Variants in KIF26B observed in about 807,000 individuals in gnomAD.
The protein encoded by KIF26B is kinesin-like protein KIF26B.
Under a neutral mutation model 151.2 loss-of-function variants are expected in KIF26B, and 63 were observed. The ratio of observed to expected loss-of-function variants is 0.42; its 90% CI spans 0.34 to 0.51. KIF26B has a LOEUF of 0.51. Among genes scored for constraint, KIF26B ranks in the 20% least tolerant of loss-of-function variants. The probability of loss-of-function intolerance (pLI) is 0.07; values close to 1 mark genes in which losing one functional copy is unlikely to be tolerated. For synonymous variants in KIF26B, 1,357 were observed against 1,262.1 expected (o/e 1.08, Z -1.59); for missense variants, 2,813 against 2,913.6 (o/e 0.97, Z 0.79).
chr1:245,501,722 T>A (rs1201687640), intron 4 of KIF26B, among the ~76,000 whole-genome samples: 1 of 152,260 alleles, frequency 6.6e-6, no homozygotes, highest in East Asian at 1.9e-4. Context: ...TTGCTAAGAC[T>A]AGCCACATAT....
At chr1:245,533,300 T>A (rs903448978) in intron 4 of KIF26B, among the ~76,000 whole-genome samples, 1 of 152,184 alleles carries the variant, frequency 6.6e-6, no homozygotes, top group Non-Finnish European at 1.5e-5. Flanking sequence ...ACCCCTGTCC[T>A]GGGTCGGGAC....
intron 2 of KIF26B, among the ~76,000 whole-genome samples, chr1:245,243,491 C>T (rs1670250704): frequency 6.6e-6 from 1 of 151,326 alleles, no homozygotes; most frequent in Admixed American, 6.6e-5. Flanking sequence ...TACACACATA[C>T]ATAAAAGGAT....
intron 5 of KIF26B, among the ~76,000 whole-genome samples, chr1:245,561,125 T>C (rs1253406222): frequency 1.3e-5 from 2 of 152,182 alleles, no homozygotes; most frequent in Non-Finnish European, 2.9e-5. Context: ...GGGTGGCTGT[T>C]TATCACGAGG....
intron 3 of KIF26B, among the ~76,000 whole-genome samples, chr1:245,418,100 A>G (rs1344604703): frequency 6.6e-6 from 1 of 152,214 alleles, no homozygotes; most frequent in Non-Finnish European, 1.5e-5. Flanking sequence ...GACGGTGTGC[A>G]TCGCCACATC....
At chr1:245,250,107 G>A (rs1032642396) in intron 2 of KIF26B, among the ~76,000 whole-genome samples, 1 of 152,124 alleles carries the variant, frequency 6.6e-6, no homozygotes, top group East Asian at 1.9e-4. Context: ...CTTCAGATGT[G>A]TTTTTTAATA....
chr1:245,312,433 A>T (rs1321740127), intron 2 of KIF26B, among the ~76,000 whole-genome samples: 1 of 152,180 alleles, frequency 6.6e-6, no homozygotes, highest in Non-Finnish European at 1.5e-5. Flanking sequence ...TAAATACAGG[A>T]GTCGTTTGCC....
intron 4 of KIF26B, among the ~76,000 whole-genome samples, chr1:245,533,466 C>A (rs149415771): frequency 5.6e-4 from 85 of 152,248 alleles, no homozygotes; most frequent in Middle Eastern, 3.4e-3. Flanking sequence ...CACACTTGAG[C>A]ACCCCTCAGA....
intron 9 of KIF26B, among the ~76,000 whole-genome samples, chr1:245,642,056 A>G (rs2043897468): frequency 6.6e-6 from 1 of 152,200 alleles, no homozygotes; most frequent in South Asian, 2.1e-4. Flanking sequence ...GCTTGCTGTG[A>G]GTCTCACAAT....
At chr1:245,659,075 A>T (rs1324130324) in intron 10 of KIF26B, among the ~76,000 whole-genome samples, 3 of 151,936 alleles carry the variant, frequency 2.0e-5, no homozygotes, top group Non-Finnish European at 4.4e-5. Context: ...ACAAAAAAAA[A>T]ATTTAAAAGT....
intron 4 of KIF26B, among the ~76,000 whole-genome samples, chr1:245,514,022 G>A (rs1328883590): frequency 1.3e-5 from 2 of 152,058 alleles, no homozygotes; most frequent in Non-Finnish European, 2.9e-5. Flanking sequence ...ACACTGCGGG[G>A]GAGAAACATG....
Position 245,643,947 on chromosome 1 carries a change from C to T in KIF26B, c.2099-2174C>T, listed in dbSNP as rs6695700. 5.0e-3 allele frequency among the ~76,000 whole-genome samples: 755 copies of T among 152,108 alleles called. 8 individuals are homozygous for T. Among genetic ancestry groups the T allele is most frequent in the African/African-American group, 0.017 (687 of 41,508 alleles). ...TTTTCTTTATATCACTGGTTTTGGG[C>T]GGTTTGGTTATGATGTGCCTTGATA... On this transcript the variant is annotated intron_variant, in intron 9 of 14. Coordinates refer to ENST00000407071, the MANE Select transcript of KIF26B (RefSeq NM_018012.4).
At chr1:245,421,914 A>G (rs1658498666) in intron 4 of KIF26B, among the ~76,000 whole-genome samples, 1 of 152,182 alleles carries the variant, frequency 6.6e-6, no homozygotes, top group African/African-American at 2.4e-5. Flanking sequence ...GCAAACACAC[A>G]GCAGGGAAAG....
At chr1:245,235,238 C>T (rs1161751729) in intron 2 of KIF26B, among the ~76,000 whole-genome samples, 1 of 152,096 alleles carries the variant, frequency 6.6e-6, no homozygotes, top group Non-Finnish European at 1.5e-5. Flanking sequence ...AGGTAGGTGT[C>T]CTTTGTCATT....
intron 2 of KIF26B, among the ~76,000 whole-genome samples, chr1:245,199,632 C>T (rs1669262990): frequency 6.6e-6 from 1 of 152,120 alleles, no homozygotes; most frequent in African/African-American, 2.4e-5. Flanking sequence ...GCATGCGCCA[C>T]CATGCCCGGC....
chr1:245,418,247 G>C (rs1165584252), intron 3 of KIF26B, among the ~76,000 whole-genome samples: 1 of 152,232 alleles, frequency 6.6e-6, no homozygotes, highest in African/African-American at 2.4e-5. Context: ...TCTCTGCTCC[G>C]TCAGCAGGAA....
intron 5 of KIF26B, among the ~76,000 whole-genome samples, chr1:245,542,012 A>G (rs186225268): frequency 1.2e-3 from 185 of 152,208 alleles, no homozygotes; most frequent in African/African-American, 4.3e-3. Context: ...TTGGGAAGGT[A>G]TTAACTTCAT....
intron 5 of KIF26B, among the ~76,000 whole-genome samples, chr1:245,552,170 T>G (rs1661902417): frequency 7.7e-6 from 1 of 130,554 alleles, no homozygotes; most frequent in Non-Finnish European, 1.6e-5. Flanking sequence ...TGTGTGTGTG[T>G]GGAGTGGGGG....
chr1:245,515,882 G>T (rs1175188730), intron 4 of KIF26B, among the ~76,000 whole-genome samples: 1 of 152,204 alleles, frequency 6.6e-6, no homozygotes, highest in East Asian at 1.9e-4. Flanking sequence ...ATCCCTGCCT[G>T]TGAGGGTGGA....
chr1:245,459,871 A>T (rs899001895), intron 4 of KIF26B, among the ~76,000 whole-genome samples: 2 of 151,342 alleles, frequency 1.3e-5, no homozygotes, highest in Non-Finnish European at 2.9e-5. Flanking sequence ...AAAAATCATG[A>T]TTCAAGATCT....
Sources: gnomAD v4.1 joint callset for allele counts (sites outside exome capture counted in the v4.1 genomes callset) on GRCh38, gnomAD v4.1.1 for gene constraint, MANE v1.5 for transcripts, NCBI Gene and HGNC (gene_info 2026-07-23, HGNC 2026-07-21) for gene names.